DYNC2H1: variants seen among roughly 807,000 people sequenced by gnomAD.
The protein encoded by DYNC2H1 is cytoplasmic dynein 2 heavy chain 1.
In DYNC2H1, 410 loss-of-function variants were observed where a neutral mutation model predicts 570.0. The observed-to-expected ratio is 0.72, with a 90% CI of 0.66 to 0.78. The LOEUF (loss-of-function observed/expected upper bound fraction) is 0.78, where lower values mean the gene tolerates loss of function less well. DYNC2H1 is among the 30% of genes least tolerant of loss of function. The pLI, the probability that DYNC2H1 is intolerant of heterozygous loss-of-function variation, is 0.00. For missense variants in DYNC2H1, 4,865 were observed against 5,046.4 expected (o/e 0.96, Z 1.09); for synonymous variants, 1,688 against 1,677.6 (o/e 1.01, Z -0.15).
chr11:103,327,220 C>T (rs1591583479), intron 82 of DYNC2H1, among the ~76,000 whole-genome samples: 1 of 152,158 alleles, frequency 6.6e-6, no homozygotes, highest in East Asian at 1.9e-4. Context: ...TGTTGGATTA[C>T]TTGATAATTT....
chr11:103,237,088 A>G (rs1007361747), intron 63 of DYNC2H1, among the ~76,000 whole-genome samples: 1 of 152,004 alleles, frequency 6.6e-6, no homozygotes, highest in South Asian at 2.1e-4. Context: ...CATGTACACA[A>G]ATAAATAATC....
At position 103,360,582 on chromosome 11, in the gene DYNC2H1, GATC is replaced by G. The variant is rs200116030; in HGVS notation, c.12156+2226_12156+2228del. 3.8e-3 allele frequency among the ~76,000 whole-genome samples: 582 copies of G among 151,878 alleles called. 5 individuals are homozygous for G. The highest frequency in any genetic ancestry group is 0.014 in the African/African-American group (558 of 41,278). ...TTATGAATGGTCATTTATAATATAT[GATC>G]ATTCATTTTACCCTTTTTCAAGCAA... On this transcript the variant is annotated intron_variant, in intron 83 of 88. Transcript: ENST00000375735.
At chr11:103,367,500 C>CA (rs1565532321) in intron 83 of DYNC2H1, among the ~76,000 whole-genome samples, 1 of 151,956 alleles carries the variant, frequency 6.6e-6, no homozygotes, top group Non-Finnish European at 1.5e-5. Context: ...TTTGGGGGTG[C>CA]AATTTGATGT....
At chr11:103,276,877 T>C (rs1044855573) in intron 70 of DYNC2H1, among the ~76,000 whole-genome samples, 2 of 152,120 alleles carry the variant, frequency 1.3e-5, no homozygotes, top group Non-Finnish European at 2.9e-5. Flanking sequence ...AATTTCTTTA[T>C]ATAAGGACAT....
In DYNC2H1 at chr11:103,189,166, C is replaced by T. The variant is rs541684596; in HGVS notation, c.7293-506C>T. ...ATTACAAATATTGAATATTACAAAA[C>T]CTTATTTGTATACTTTTGTGCTAAT... On this transcript the variant is annotated intron_variant, in intron 44 of 88. Coordinates refer to ENST00000375735, the MANE Select transcript of DYNC2H1 (RefSeq NM_001377.3). This position sits in a 1 kb window ranked among gnomAD's most constrained non-coding sequence, Gnocchi z 4.3. Among the ~76,000 whole-genome samples, 1 of 151,896 alleles carries T rather than the reference C, an allele frequency of 6.6e-6. No individual in the cohort carries two copies. Among genetic ancestry groups the T allele is most frequent in the South Asian group, 2.1e-4 (1 of 4,804 alleles).
intron 67 of DYNC2H1, 57 bp downstream of exon 67, chr11:103,255,591 C>T: frequency 6.9e-7 from 1 of 1,456,204 alleles, no homozygotes; most frequent in Non-Finnish European, 9.1e-7. Context: ...TTAATGAATA[C>T]AAATAACAGT....
Position 103,461,251 on chromosome 11 carries a change from G to A in DYNC2H1, c.12648+4895G>A, listed in dbSNP as rs1014624469. 2.6e-5 allele frequency among the ~76,000 whole-genome samples: 4 copies of A among 152,088 alleles called. No homozygotes were observed. Among genetic ancestry groups the A allele is most frequent in the African/African-American group, 4.8e-5 (2 of 41,414 alleles). On this transcript the variant is annotated intron_variant, in intron 87 of 88. Coordinates refer to ENST00000375735, the MANE Select transcript of DYNC2H1 (RefSeq NM_001377.3). The surrounding 1 kb of genome is among the most constrained non-coding windows in gnomAD (Gnocchi z 4.8). ...AGCAGAGGGGATTGTTTCAATAGGA[G>A]AAATTTGGATTTGAATTATACTTGA...
intron 85 of DYNC2H1, among the ~76,000 whole-genome samples, chr11:103,451,943 G>A (rs1565611049): frequency 6.6e-6 from 1 of 151,916 alleles, no homozygotes; most frequent in Non-Finnish European, 1.5e-5. Flanking sequence ...ATAAAATCTT[G>A]TATAATATAG....
intron 84 of DYNC2H1, among the ~76,000 whole-genome samples, chr11:103,424,561 A>C (rs1264274656): frequency 1.3e-5 from 2 of 152,170 alleles, no homozygotes; most frequent in Non-Finnish European, 2.9e-5. Context: ...AAACAGCTCA[A>C]CATTCAAGAG....
Position 103,479,398 on chromosome 11 carries a change from T to C in DYNC2H1, c.*145T>C, listed in dbSNP as rs1945674221. ...GTTGTTGATGTCACTGAAATTTTAA[T>C]GTGTAAAAGCAGCACTGTGCATCTT... On this transcript the variant is annotated 3_prime_UTR_variant, in exon 89 of 89. Transcript: ENST00000375735. 2.2e-6 allele frequency: 2 copies of C among 902,362 alleles called. No homozygotes were observed. Among genetic ancestry groups the C allele is most frequent in the African/African-American group, 1.7e-5 (1 of 59,584 alleles). The allele number at this position is 902,362 out of a possible 1,614,324, so 55.9% of individuals were successfully genotyped here. A position where few individuals can be genotyped will look rare whatever the true frequency, so the allele number is the denominator to read the frequency against.
intron 83 of DYNC2H1, among the ~76,000 whole-genome samples, chr11:103,376,408 G>A (rs1941395690): frequency 6.6e-6 from 1 of 151,950 alleles, no homozygotes; most frequent in African/African-American, 2.4e-5. Flanking sequence ...GTTTAAATCT[G>A]GTTTGGTTGT....
intron 4 of DYNC2H1, among the ~76,000 whole-genome samples, chr11:103,116,284 TAAATTTTAAAAAATCA>T (rs773117591): frequency 5.3e-5 from 8 of 152,172 alleles, no homozygotes; most frequent in South Asian, 2.1e-4. Context: ...CTTTAATGGG[TAAATTTTAAAAAATCA>T]AAATTTAAAG....
intron 80 of DYNC2H1, among the ~76,000 whole-genome samples, chr11:103,317,871 AT>A (rs34358464): frequency 0.17 from 25,252 of 151,900 alleles, 2,280 homozygotes; most frequent in Admixed American, 0.26. Flanking sequence ...TACTACCTCG[AT>A]ATCTTCTTGT....
chr11:103,174,139 A>C lies in DYNC2H1; in HGVS notation c.5643A>C (p.Arg1881Ser). The change falls in exon 36 of 89, where the codon AGA (arginine) becomes AGC (serine). Residue 1881 changes from arginine to serine, a missense_variant. Physicochemically the swap from Arg to Ser is moderately radical, Grantham distance 110. This residue lies in a region of DYNC2H1 where 292 missense variants were observed against 300.2 expected (regional missense o/e 0.97). Transcript: ENST00000375735. ...TVLRGSGNLL[R>S]QLNKSGTTQN... ...TGAGAGGAAGTGGAAATCTCCTTAG[A>C]CAGCTAAACAAAAGTGGCACTACAC... is the stretch of plus-strand genomic sequence containing the variant. 1 of 1,583,620 alleles carries C rather than the reference A, an allele frequency of 6.3e-7. No homozygotes were observed. Among genetic ancestry groups the C allele is most frequent in the Non-Finnish European group, 8.6e-7 (1 of 1,163,282 alleles).
chr11:103,170,253 T>G lies in DYNC2H1; in HGVS notation c.5114T>G (p.Leu1705Arg), dbSNP rs878854166. 6.2e-7 allele frequency: 1 copy of G among 1,606,128 alleles called. No individual in the cohort carries two copies. Among genetic ancestry groups the G allele is most frequent in the Non-Finnish European group, 8.5e-7 (1 of 1,176,906 alleles). The change falls in exon 33 of 89, where the codon CTT (leucine) becomes CGT (arginine). Residue 1705 changes from leucine (L) to arginine (R), a missense_variant. Leu to Arg is a moderately radical substitution (Grantham distance 102). Transcript: ENST00000375735. This position sits in a 1 kb window ranked among gnomAD's most constrained non-coding sequence, Gnocchi z 4.8. ...KTESVKALGG[L>R]LGRQVLVFNC... ...GAATCAGTAAAGGCTTTAGGTGGAC[T>G]TCTTGGAAGACAAGTTTTAGTCTTT...
chr11:103,475,407 A>G (rs1267380871), intron 88 of DYNC2H1, among the ~76,000 whole-genome samples: 4 of 152,204 alleles, frequency 2.6e-5, no homozygotes, highest in Non-Finnish European at 5.9e-5. Context: ...TAAAGATATT[A>G]AAGAGGGAAT....
chr11:103,314,025 T>C (rs1044722741), intron 79 of DYNC2H1, among the ~76,000 whole-genome samples: 1 of 152,162 alleles, frequency 6.6e-6, no homozygotes, highest in Admixed American at 6.5e-5. Context: ...ACAACACTGA[T>C]AGTGATTTAC....
At chr11:103,424,824 G>C (rs941765821) in intron 84 of DYNC2H1, among the ~76,000 whole-genome samples, 1 of 152,100 alleles carries the variant, frequency 6.6e-6, no homozygotes, top group Non-Finnish European at 1.5e-5. Flanking sequence ...TGAATGTGGA[G>C]TTAAGAAGAG....
intron 84 of DYNC2H1, among the ~76,000 whole-genome samples, chr11:103,421,651 G>C (rs1343902636): frequency 1.3e-5 from 2 of 152,124 alleles, no homozygotes; most frequent in South Asian, 2.1e-4. Flanking sequence ...GAAATTCTTT[G>C]AAACTAATGA....
Sources: allele counts gnomAD v4.1 joint callset (sites outside exome capture counted in the v4.1 genomes callset), GRCh38; gene constraint gnomAD v4.1.1; regional missense constraint gnomAD v4.1.1; non-coding constraint Gnocchi (gnomAD v3.1); transcripts MANE v1.5; gene names NCBI Gene and HGNC (gene_info 2026-07-23, HGNC 2026-07-21).